Variants in RBFOX1 observed in about 807,000 individuals in gnomAD.
RBFOX1 encodes RNA binding fox-1 homolog 1.
Under a neutral mutation model 57.7 loss-of-function variants are expected in RBFOX1, and 8 were observed. That is an observed-to-expected ratio of 0.14 (90% CI 0.08 to 0.25). The LOEUF is 0.25. Ranked by LOEUF, RBFOX1 falls within the 10% of genes least tolerant of loss-of-function variation. RBFOX1 has a pLI of 1.00. For synonymous variants in RBFOX1, 326 were observed against 222.4 expected, an observed-to-expected ratio of 1.47 and a Z score of -4.15; for missense variants, 611 against 548.5, an observed-to-expected ratio of 1.11 and a Z score of -1.14.
At chr16:7,249,875 A>G (rs1171104677) in intron 4 of RBFOX1, among the ~76,000 whole-genome samples, 1 of 152,226 alleles carries the variant, frequency 6.6e-6, no homozygotes, top group Non-Finnish European at 1.5e-5. Flanking sequence ...CTTTTGATAC[A>G]CATTGTTAAA....
chr16:6,939,506 C>CTTTTCTTTTTTTTTT (rs1555651253), intron 3 of RBFOX1, among the ~76,000 whole-genome samples: 9 of 112,878 alleles, frequency 8.0e-5, no homozygotes, highest in African/African-American at 2.2e-4. Context: ...ATTTTTCTTT[C>CTTTTCTTTTTTTTTT]TTTTTTTTTT....
At chr16:5,747,955 A>C (rs1421811925) in intron 3 of RBFOX1, among the ~76,000 whole-genome samples, 1 of 151,890 alleles carries the variant, frequency 6.6e-6, no homozygotes, top group Non-Finnish European at 1.5e-5. Context: ...TAGTTCTTTT[A>C]ATTGTGATGT....
intron 1 of RBFOX1, among the ~76,000 whole-genome samples, chr16:6,256,476 C>G (rs955991095): frequency 2.6e-5 from 4 of 151,202 alleles, no homozygotes; most frequent in African/African-American, 9.7e-5. Context: ...AGATGTGAAT[C>G]AGAGAAGTTG....
chr16:6,970,784 G>A lies in RBFOX1; in HGVS notation c.-15-81273G>A, dbSNP rs749677322. On this transcript the variant is annotated intron_variant, in intron 3 of 15. Coordinates refer to ENST00000550418, the MANE Select transcript of RBFOX1 (RefSeq NM_018723.4). Reference sequence around the variant, plus strand: ...CCATAGCCCCCTTTAACCTGAATTGGGTCTTATGCCCTGTCTACAAAGGAG... The same window carrying A: ...CCATAGCCCCCTTTAACCTGAATTGAGTCTTATGCCCTGTCTACAAAGGAG... Among the ~76,000 whole-genome samples, 8 of 152,070 alleles carry A rather than the reference G, an allele frequency of 5.3e-5. No individual in the cohort carries two copies. The East Asian group carries it at 1.5e-3, about 29-fold the overall frequency.
chr16:6,340,007 A>T (rs1221122963), intron 2 of RBFOX1, among the ~76,000 whole-genome samples: 1 of 152,156 alleles, frequency 6.6e-6, no homozygotes. Context: ...CAAAAGCTTT[A>T]TGATTCTAGT....
intron 4 of RBFOX1, among the ~76,000 whole-genome samples, chr16:7,374,465 T>C (rs939576118): frequency 2.6e-5 from 4 of 152,130 alleles, no homozygotes; most frequent in African/African-American, 9.7e-5. Flanking sequence ...TTCCAAGATA[T>C]GGTGTAACTG....
intron 1 of RBFOX1, among the ~76,000 whole-genome samples, chr16:6,176,092 G>C (rs192293205): frequency 6.6e-6 from 1 of 152,168 alleles, no homozygotes; most frequent in East Asian, 1.9e-4. Flanking sequence ...AATTTCTTAA[G>C]TCAGAGAGCC....
intron 5 of RBFOX1, among the ~76,000 whole-genome samples, chr16:7,527,680 A>G (rs1239861715): frequency 6.6e-6 from 1 of 152,096 alleles, no homozygotes; most frequent in Admixed American, 6.6e-5. Flanking sequence ...TCTTTTTTAT[A>G]TGTGAGGCTT....
chr16:7,287,681 CCT>C (rs148054713), intron 4 of RBFOX1, among the ~76,000 whole-genome samples: 4,550 of 152,234 alleles, frequency 0.03, 129 homozygotes, highest in East Asian at 0.13. Context: ...ATAAAAGTCG[CCT>C]CTCAACACCA....
rs192088165 is a variant in RBFOX1 at position 5,657,997 on chromosome 16, G to A, written c.318+59036G>A. Among the ~76,000 whole-genome samples, 25 of 152,144 alleles carry A rather than the reference G, an allele frequency of 1.6e-4. 1 individual carries two copies. In the East Asian group the frequency reaches 4.5e-3, roughly 27 times the overall value. On this transcript the variant is annotated intron_variant, in intron 3 of 19. Coordinates refer to the RBFOX1 transcript ENST00000641259. Reference sequence around the variant, plus strand: ...TCCACCCACCTCGGCCTCCCAAAATGATGATATTACAGGCGTGAGCCACTG... The same window carrying A: ...TCCACCCACCTCGGCCTCCCAAAATAATGATATTACAGGCGTGAGCCACTG...
At chr16:7,338,723 T>G (rs1254485323) in intron 4 of RBFOX1, among the ~76,000 whole-genome samples, 1 of 152,172 alleles carries the variant, frequency 6.6e-6, no homozygotes, top group African/African-American at 2.4e-5. Context: ...TATAGAAACA[T>G]CGGCCTTAAC....
chr16:6,515,762 C>T (rs960991150), intron 2 of RBFOX1, among the ~76,000 whole-genome samples: 1 of 152,134 alleles, frequency 6.6e-6, no homozygotes, highest in Non-Finnish European at 1.5e-5. Context: ...TAGCCATAAA[C>T]ATACTTGCAC....
At chr16:6,313,216 G>C (rs2080598536) in intron 1 of RBFOX1, among the ~76,000 whole-genome samples, 1 of 152,176 alleles carries the variant, frequency 6.6e-6, no homozygotes, top group African/African-American at 2.4e-5. Context: ...AAATAAATAA[G>C]GCTGGAGCTG....
intron 4 of RBFOX1, among the ~76,000 whole-genome samples, chr16:7,318,240 G>A (rs1275272571): frequency 1.3e-5 from 2 of 151,810 alleles, no homozygotes; most frequent in Non-Finnish European, 2.9e-5. Flanking sequence ...AATGGAGTTG[G>A]GATAGTGGTG....
intron 4 of RBFOX1, among the ~76,000 whole-genome samples, chr16:7,178,417 G>A (rs1411618446): frequency 2.6e-5 from 4 of 152,152 alleles, no homozygotes; most frequent in East Asian, 1.9e-4. Flanking sequence ...TCCCAAGTTC[G>A]CAGGAGGAGA....
At chr16:6,934,995 G>C (rs959498157) in intron 3 of RBFOX1, among the ~76,000 whole-genome samples, 26 of 152,208 alleles carry the variant, frequency 1.7e-4, no homozygotes, top group Non-Finnish European at 4.4e-5. Flanking sequence ...GGCTGAGATA[G>C]GAGGACTGCT....
chr16:5,301,400 A>T (rs1195976378), intron 1 of RBFOX1, among the ~76,000 whole-genome samples: 2 of 152,058 alleles, frequency 1.3e-5, no homozygotes, highest in Non-Finnish European at 2.9e-5. Flanking sequence ...CGGGAGATTC[A>T]TGAGGTCAGG....
intron 14 of RBFOX1, among the ~76,000 whole-genome samples, chr16:7,689,586 C>G (rs1048781752): frequency 2.0e-5 from 3 of 151,994 alleles, no homozygotes; most frequent in Non-Finnish European, 4.4e-5. Context: ...GAATCTATAC[C>G]TTGAATGAGC....
chr16:5,578,718 C>T (rs1293837683), intron 2 of RBFOX1, among the ~76,000 whole-genome samples: 1 of 151,934 alleles, frequency 6.6e-6, no homozygotes, highest in Non-Finnish European at 1.5e-5. Context: ...TGTGAAGTAT[C>T]AGTAATGAAC....
Sources: allele counts gnomAD v4.1 joint callset (sites outside exome capture counted in the v4.1 genomes callset), GRCh38; gene constraint gnomAD v4.1.1; transcripts MANE v1.5; gene names NCBI Gene and HGNC (gene_info 2026-07-23, HGNC 2026-07-21).